The following PCYOX1L variants were observed in gnomAD, a reference collection of about 807,000 sequenced individuals.
The protein encoded by PCYOX1L is prenylcysteine oxidase 1-like.
Under a neutral mutation model 44.1 loss-of-function variants are expected in PCYOX1L, and 40 were observed. The observed-to-expected ratio is 0.91, with a 90% CI of 0.70 to 1.18. The LOEUF is 1.18. Ranked by LOEUF, PCYOX1L falls within the 50% of genes most tolerant of loss-of-function variation. The pLI, the probability that PCYOX1L is intolerant of heterozygous loss-of-function variation, is 0.00. For synonymous variants in PCYOX1L, 266 were observed against 282.8 expected (o/e 0.94, Z 0.60); for missense variants, 605 against 653.3 (o/e 0.93, Z 0.81).
rs558974556 is a variant in PCYOX1L at position 149,367,456 on chromosome 5, A to G, written c.779A>G (p.Asn260Ser). 57 of 1,613,984 alleles carry G rather than the reference A, an allele frequency of 3.5e-5. No individual in the cohort carries two copies. Among genetic ancestry groups the G allele is most frequent in the African/African-American group, 1.1e-4 (8 of 75,054 alleles). The change falls in exon 5 of 6, where the codon AAT (asparagine) becomes AGT (serine). Residue 260 changes from asparagine to serine, a missense_variant. Asn to Ser is a conservative substitution (Grantham distance 46). Coordinates refer to ENST00000274569, the MANE Select transcript of PCYOX1L (RefSeq NM_024028.4). ...CSGLLKLTKANVIHATVTSVT... is the reference protein window; with the variant it reads ...CSGLLKLTKASVIHATVTSVT... ...GGTTTGCTGAAGCTCACCAAGGCCA[A>G]TGTGATCCATGCCACAGTGACCTCT...
intron 2 of PCYOX1L, 75 bp downstream of exon 2, chr5:149,362,918 C>G (rs764558851): frequency 1.3e-6 from 2 of 1,502,350 alleles, no homozygotes; most frequent in East Asian, 4.5e-5. Context: ...TCTCAGACTT[C>G]CCAGACCATC....
chr5:149,362,863 G>A lies in PCYOX1L; in HGVS notation c.295+20G>A. ...TGCTGGGTGAGTGGTCAGTCCTGGGGCTCCAGTGCCCAGCGCCCTGGGGCT... is the reference window on the plus strand; with the variant it reads ...TGCTGGGTGAGTGGTCAGTCCTGGGACTCCAGTGCCCAGCGCCCTGGGGCT... On this transcript the variant is annotated intron_variant, in intron 2 of 5. Transcript: ENST00000274569. The A allele has an allele frequency of 2.5e-6, 4 of 1,612,534 alleles. No homozygotes were observed. The highest frequency in any genetic ancestry group is 3.4e-6 in the Non-Finnish European group (4 of 1,179,814).
At chr5:149,362,572 G>C in intron 1 of PCYOX1L, 65 bp from the exon 2 acceptor site, 1 of 1,555,170 alleles carries the variant, frequency 6.4e-7, no homozygotes, top group South Asian at 1.1e-5. Context: ...TACAAAGTGT[G>C]AACTACAGCC....
intron 1 of PCYOX1L, among the ~76,000 whole-genome samples, chr5:149,360,451 T>C (rs908291022): frequency 4.5e-4 from 68 of 152,286 alleles, no homozygotes; most frequent in African/African-American, 1.6e-3. Flanking sequence ...GGAAGTGGCT[T>C]TGTAAGTACT....
chr5:149,360,363 A>G (rs191498533), intron 1 of PCYOX1L, among the ~76,000 whole-genome samples: 26 of 152,290 alleles, frequency 1.7e-4, no homozygotes, highest in South Asian at 2.1e-4. Context: ...ATTTCTCTGG[A>G]AAAATGGGTA....
In PCYOX1L at chr5:149,359,914, C is replaced by T. The variant is rs372158477; in HGVS notation, c.88+1758C>T. ...CTTCTGCAGGACCAAATCTGAGAAC[C>T]CCCAAGTGGCATCAGGACCCTCTAA... On this transcript the variant is annotated intron_variant, in intron 1 of 5. Transcript: ENST00000274569. 7.9e-5 allele frequency among the ~76,000 whole-genome samples: 12 copies of T among 152,326 alleles called. No individual in the cohort carries two copies. In the East Asian group the frequency reaches 2.1e-3, roughly 27 times the overall value.
At chr5:149,360,745 G>A (rs893990827) in intron 1 of PCYOX1L, among the ~76,000 whole-genome samples, 2 of 152,146 alleles carry the variant, frequency 1.3e-5, no homozygotes, top group Non-Finnish European at 2.9e-5. Flanking sequence ...TCGGACAAAG[G>A]CCCAGGCATG....
chr5:149,361,278 G>A (rs752585716), intron 1 of PCYOX1L, among the ~76,000 whole-genome samples: 1 of 152,136 alleles, frequency 6.6e-6, no homozygotes, highest in Non-Finnish European at 1.5e-5. Context: ...GCATGTGCCT[G>A]TAGTCTCAGC....
chr5:149,367,820 C>G (rs567067422), intron 5 of PCYOX1L, among the ~76,000 whole-genome samples, 173 bp from the exon 6 acceptor site: 33 of 152,294 alleles, frequency 2.2e-4, no homozygotes, highest in Admixed American at 1.8e-3. Context: ...GACTCCATGC[C>G]CCTTGCTTCT....
intron 1 of PCYOX1L, among the ~76,000 whole-genome samples, chr5:149,358,509 G>T (rs959032423): frequency 6.6e-6 from 1 of 152,062 alleles, no homozygotes; most frequent in African/African-American, 2.4e-5. Flanking sequence ...ACAGAGGTTG[G>T]TTGAGGGCTC....
chr5:149,358,297 C>T (rs948837616), intron 1 of PCYOX1L, 141 bp downstream of exon 1: 48 of 1,217,624 alleles, frequency 3.9e-5, no homozygotes, highest in Non-Finnish European at 4.9e-5. Context: ...AGGAGAGGCG[C>T]CGAAGGGGAC....
rs530483207 is a variant in PCYOX1L, at chr5:149,366,143, C to T, written c.672C>T (p.Pro224=). The T allele has an allele frequency of 3.6e-5, 58 of 1,611,874 alleles. No homozygotes were observed. Among genetic ancestry groups the T allele is most frequent in the Middle Eastern group, 3.7e-4 (2 of 5,468 alleles). ...RASYGQSAAM[P]AFAGAMSLAG... is the part of the protein sequence containing the mutation. Reference sequence around the variant, plus strand: ...GCTATGGCCAGTCAGCAGCGATGCCCGCCTTTGCAGGTAAGCGTCCAACCC... The same window carrying T: ...GCTATGGCCAGTCAGCAGCGATGCCTGCCTTTGCAGGTAAGCGTCCAACCC... Residue 224 remains proline (P), a synonymous_variant, in exon 4 of 6, where the codon CCC becomes CCT. Transcript: ENST00000274569.
chr5:149,367,342 A>G lies in PCYOX1L; in HGVS notation c.683-18A>G, dbSNP rs767941098. 1 of 1,601,694 alleles carries G rather than the reference A, an allele frequency of 6.2e-7. No homozygotes were observed. Among genetic ancestry groups the G allele is most frequent in the Non-Finnish European group, 8.5e-7 (1 of 1,174,780 alleles). On this transcript the variant is annotated intron_variant, in intron 4 of 5. Coordinates refer to ENST00000274569, the MANE Select transcript of PCYOX1L (RefSeq NM_024028.4). ...CGGCCCTGACAACCTATCAGCACCC[A>G]CTTCCCGCTTTGCCCAGGAGCCATG...
Position 149,364,127 on chromosome 5 carries a change from C to G in PCYOX1L, c.387C>G (p.Asn129Lys). 1 of 1,614,138 alleles carries G rather than the reference C, an allele frequency of 6.2e-7. No homozygotes were observed. Among genetic ancestry groups the G allele is most frequent in the Non-Finnish European group, 8.5e-7 (1 of 1,180,024 alleles). Residue 129 changes from asparagine to lysine, a missense_variant, in exon 3 of 6, where the codon AAC (asparagine) becomes AAG (lysine). By Grantham distance (94) the Asn-to-Lys change is moderately conservative. Transcript: ENST00000274569. ...AGGAGACTGACTGGTACCTGCTGAA[C>G]CTCTTCCGCCTCTGGTGGCACTATG... ...MLEETDWYLL[N>K]LFRLWWHYGI...
chr5:149,362,533 A>T, intron 1 of PCYOX1L, 104 bp from the exon 2 acceptor site: 1 of 1,172,850 alleles, frequency 8.5e-7, no homozygotes, highest in Non-Finnish European at 1.2e-6. Context: ...AGGAAATTTA[A>T]GCACCTGGGA....
chr5:149,365,870 C>A (rs1758179118), intron 3 of PCYOX1L, 72 bp from the exon 4 acceptor site: 1 of 1,491,952 alleles, frequency 6.7e-7, no homozygotes, highest in Non-Finnish European at 9.3e-7. Flanking sequence ...CTCCCAGGCA[C>A]TATAACCCAG....
chr5:149,367,989 C>G lies in PCYOX1L; in HGVS notation c.824-4C>G, dbSNP rs776041317. ...AGTTGACTTTTGTGCTCTTTTCTTT[C>G]CAGAGGGGAAAGCCCTGTACCAGGT... On this transcript the variant is annotated splice_polypyrimidine_tract_variant and splice_region_variant and intron_variant, in intron 5 of 5. Transcript: ENST00000274569. 6.6e-7 allele frequency: 1 copy of G among 1,522,410 alleles called. No homozygotes were observed. Among genetic ancestry groups the G allele is most frequent in the Admixed American group, 2.2e-5 (1 of 44,666 alleles). 94.3% of individuals were successfully genotyped at this position (1,522,410 alleles called of 1,614,324 possible).
In PCYOX1L at chr5:149,362,785, C is replaced by T. The variant is rs541441248; in HGVS notation, c.237C>T (p.Ser79=). Residue 79 remains serine (S), a synonymous_variant, in exon 2 of 6, where the codon AGC becomes AGT. Transcript: ENST00000274569. ...TISVNKQHYE[S]GAASFHSLSL... The stretch of plus-strand genomic sequence containing the variant: ...CAGTCAACAAGCAGCACTATGAGAG[C>T]GGGGCTGCCTCCTTCCACTCCCTGA... The T allele has an allele frequency of 2.0e-5, 32 of 1,614,132 alleles. No homozygotes were observed. The highest frequency in any genetic ancestry group is 8.0e-5 in the African/African-American group (6 of 75,058).
Position 149,365,995 on chromosome 5 carries a change from T to C in PCYOX1L, c.524T>C (p.Leu175Pro), listed in dbSNP as rs779309239. The change falls in exon 4 of 6, where the codon CTC becomes CCC. Residue 175 changes from leucine to proline, a missense_variant. Leu to Pro is a moderately conservative substitution (Grantham distance 98, BLOSUM62 -3). Transcript: ENST00000274569. ...GYAFSGVEEL[L>P]YSLGESTFVN... ...GCCTTCTCGGGTGTGGAGGAGCTGC[T>C]CTACTCACTGGGGGAGTCCACCTTT... 6.2e-7 allele frequency: 1 copy of C among 1,614,122 alleles called. No individual in the cohort carries two copies. Among genetic ancestry groups the C allele is most frequent in the African/African-American group, 1.3e-5 (1 of 74,944 alleles).
Sources: gnomAD v4.1 joint callset for allele counts (sites outside exome capture counted in the v4.1 genomes callset) on GRCh38, gnomAD v4.1.1 for gene constraint, MANE v1.5 for transcripts, NCBI Gene and HGNC (gene_info 2026-07-23, HGNC 2026-07-21) for gene names.